Variants in TRAK1 observed in about 807,000 individuals in gnomAD.
TRAK1 encodes the protein trafficking kinesin-binding protein 1.
A neutral mutation model predicts 92.1 loss-of-function variants in TRAK1; 33 were observed. That is an observed-to-expected ratio of 0.36 (90% CI 0.27 to 0.48). TRAK1 has a LOEUF of 0.48. Among genes scored for constraint, TRAK1 ranks in the 20% least tolerant of loss-of-function variants. The probability of loss-of-function intolerance (pLI) is 0.99; values close to 1 mark genes in which losing one functional copy is unlikely to be tolerated. For missense variants in TRAK1, 1,123 were observed against 1,257.9 expected (o/e 0.89, Z 1.62); for synonymous variants, 521 against 517.3 (o/e 1.01, Z -0.10).
intron 1 of TRAK1, among the ~76,000 whole-genome samples, chr3:42,037,373 C>T (rs183313754): frequency 6.6e-6 from 1 of 152,240 alleles, no homozygotes; most frequent in Non-Finnish European, 1.5e-5. Context: ...CTAAGTAGAC[C>T]AGAAGCTTCC....
intron 1 of TRAK1, among the ~76,000 whole-genome samples, chr3:42,095,727 A>G (rs1467674888): frequency 6.6e-6 from 1 of 152,086 alleles, no homozygotes; most frequent in South Asian, 2.1e-4. Flanking sequence ...CGTCATCATC[A>G]TCATCATCAT....
chr3:42,163,554 C>T (rs978429428), intron 2 of TRAK1, among the ~76,000 whole-genome samples: 1 of 148,862 alleles, frequency 6.7e-6, no homozygotes, highest in Non-Finnish European at 1.5e-5. Flanking sequence ...GGCGGCAGAG[C>T]GAGACTCCAT....
chr3:42,188,678 G>A (rs564171771), intron 5 of TRAK1, among the ~76,000 whole-genome samples: 3 of 152,246 alleles, frequency 2.0e-5, no homozygotes, highest in African/African-American at 7.2e-5. Context: ...TTAGGTCACA[G>A]AGTTATAAGC....
chr3:42,047,907 C>T (rs1359214197), intron 1 of TRAK1, among the ~76,000 whole-genome samples: 3 of 148,702 alleles, frequency 2.0e-5, no homozygotes, highest in Non-Finnish European at 3.0e-5. Context: ...AACACTCCCC[C>T]CCATAGTTTC....
At chr3:42,112,735 C>CAAAAAAAAA (rs774716012) in intron 1 of TRAK1, among the ~76,000 whole-genome samples, 1 of 54,692 alleles carries the variant, frequency 1.8e-5, no homozygotes, top group Non-Finnish European at 4.4e-5. Context: ...GACTCTGTCT[C>CAAAAAAAAA]AAAAAAAAAA....
chr3:42,046,688 T>G (rs781167456), intron 1 of TRAK1, among the ~76,000 whole-genome samples: 3 of 152,240 alleles, frequency 2.0e-5, no homozygotes, highest in Non-Finnish European at 4.4e-5. Context: ...TGTTTACCAT[T>G]GTCAAGTCTG....
chr3:42,112,942 T>C (rs1396449491), intron 1 of TRAK1, among the ~76,000 whole-genome samples: 1 of 149,242 alleles, frequency 6.7e-6, no homozygotes, highest in Non-Finnish European at 1.5e-5. Flanking sequence ...GGATTTTTAA[T>C]TTTTTTTTTG....
intron 2 of TRAK1, among the ~76,000 whole-genome samples, chr3:42,148,029 C>A (rs1199291117): frequency 6.6e-6 from 1 of 151,766 alleles, no homozygotes; most frequent in Admixed American, 6.6e-5. Context: ...TAGAAACACA[C>A]ACACACACAC....
intron 1 of TRAK1, among the ~76,000 whole-genome samples, chr3:42,049,235 G>A (rs1345237952): frequency 2.0e-5 from 3 of 152,144 alleles, no homozygotes; most frequent in East Asian, 3.8e-4. Flanking sequence ...TGGAATTCTA[G>A]GTTGAAATAA....
Position 42,013,854 on chromosome 3 carries a change from G to A in TRAK1, c.-782G>A, listed in dbSNP as rs1701404780. ...GAGCGCAGCCTTAGCGTCCCCGAGAGTCTCGAACGCCCCGACGACCCCCGC... is the reference window on the plus strand; with the variant it reads ...GAGCGCAGCCTTAGCGTCCCCGAGAATCTCGAACGCCCCGACGACCCCCGC... On this transcript the variant is annotated 5_prime_UTR_variant, in exon 1 of 17. Coordinates refer to the TRAK1 transcript ENST00000487159. The surrounding 1 kb of genome is among the most constrained non-coding windows in gnomAD (Gnocchi z 5.1). 2 of 150,502 alleles carry A rather than the reference G, an allele frequency of 1.3e-5. No homozygotes were observed. The highest frequency in any genetic ancestry group is 4.0e-4 in the South Asian group (2 of 5,004). 9.3% of individuals were successfully genotyped at this position (150,502 alleles called of 1,614,324 possible).
At chr3:42,062,554 T>C (rs1703493569) in intron 1 of TRAK1, among the ~76,000 whole-genome samples, 1 of 152,228 alleles carries the variant, frequency 6.6e-6, no homozygotes, top group Non-Finnish European at 1.5e-5. Flanking sequence ...CTGGCACCTC[T>C]GAGGCTTCTT....
At position 42,212,443 on chromosome 3, in the gene TRAK1, G is replaced by T. The variant is rs189326017; in HGVS notation, c.1963+2458G>T. 12 of 985,284 alleles carry T rather than the reference G, an allele frequency of 1.2e-5. No individual in the cohort carries two copies. In the African/African-American group the frequency reaches 2.1e-4, roughly 17 times the overall value. The allele number at this position is 985,284 out of a possible 1,614,324, so 61.0% of individuals were successfully genotyped here. ...TGTATGCTAGGCACTTTTGTCCAGA[G>T]CCTGCTGTCCCATGGAGAAAAAGTT... On this transcript the variant is annotated intron_variant, in intron 14 of 15. Coordinates refer to ENST00000327628, the MANE Select transcript of TRAK1 (RefSeq NM_001042646.3).
At chr3:42,149,749 G>C in intron 2 of TRAK1, 1 of 999,264 alleles carries the variant, frequency 1.0e-6, no homozygotes, top group South Asian at 1.6e-5. Context: ...AATTCCAAAG[G>C]CATGGTGGAG....
chr3:42,177,676 G>T (rs950748007), intron 3 of TRAK1, among the ~76,000 whole-genome samples: 2 of 152,232 alleles, frequency 1.3e-5, no homozygotes, highest in African/African-American at 4.8e-5. Flanking sequence ...TTTTCAGCCA[G>T]TGGGAGGTCA....
rs1710592491 is a variant in TRAK1 at position 42,223,835 on chromosome 3, C to T, written c.*98C>T. ...CCCCACAGTGCACTCCCTCCCTCTG[C>T]CCTTCTCTGTCCACCCCCTCCTAAG... On this transcript the variant is annotated 3_prime_UTR_variant, in exon 16 of 16. Coordinates refer to ENST00000327628, the MANE Select transcript of TRAK1 (RefSeq NM_001042646.3). The surrounding 1 kb of genome is among the most constrained non-coding windows in gnomAD (Gnocchi z 6.1). 3.0e-6 allele frequency: 4 copies of T among 1,344,192 alleles called. No homozygotes were observed. Among genetic ancestry groups the T allele is most frequent in the East Asian group, 2.4e-5 (1 of 42,158 alleles). 83.3% of individuals were successfully genotyped at this position (1,344,192 alleles called of 1,614,324 possible). A position where few individuals can be genotyped will look rare whatever the true frequency, so the allele number is the denominator to read the frequency against.
Position 42,093,072 on chromosome 3 carries a change from G to C in TRAK1, c.91+1512G>C, listed in dbSNP as rs535140763. Among the ~76,000 whole-genome samples the C allele has an allele frequency of 1.5e-4, 23 of 151,902 alleles. No homozygotes were observed. The South Asian group carries it at 2.5e-3, about 17-fold the overall frequency. On this transcript the variant is annotated intron_variant, in intron 1 of 15. Coordinates refer to ENST00000327628, the MANE Select transcript of TRAK1 (RefSeq NM_001042646.3). ...CTATTGAAAATTTATAATCTAAATG[G>C]GTCTTTTATTTGGCTATATTAATGA...
chr3:42,182,304 T>C (rs943144023), intron 3 of TRAK1, among the ~76,000 whole-genome samples: 9 of 151,456 alleles, frequency 5.9e-5, no homozygotes, highest in African/African-American at 2.2e-4. Context: ...TCTCTCTTTT[T>C]TTTTTTTTTT....
intron 1 of TRAK1, among the ~76,000 whole-genome samples, chr3:42,114,177 G>T (rs920675790): frequency 6.6e-6 from 1 of 152,028 alleles, no homozygotes; most frequent in Admixed American, 6.6e-5. Context: ...GCTTACTGTG[G>T]CTGAATAATA....
chr3:42,053,425 T>C (rs1247967190), intron 1 of TRAK1, among the ~76,000 whole-genome samples: 2 of 145,708 alleles, frequency 1.4e-5, no homozygotes, highest in African/African-American at 2.5e-5. Context: ...AGAGGACCCT[T>C]AGGGCAAATG....
Sources: allele counts gnomAD v4.1 joint callset (sites outside exome capture counted in the v4.1 genomes callset), GRCh38; gene constraint gnomAD v4.1.1; non-coding constraint Gnocchi (gnomAD v3.1); transcripts MANE v1.5; gene names NCBI Gene and HGNC (gene_info 2026-07-23, HGNC 2026-07-21).